Variants in PRKCZ observed in about 807,000 individuals in gnomAD.
PRKCZ encodes protein kinase C zeta type.
A neutral mutation model predicts 79.5 loss-of-function variants in PRKCZ; 33 were observed. That is an observed-to-expected ratio of 0.41 (90% CI 0.31 to 0.55). PRKCZ has a LOEUF of 0.55. Among genes scored for constraint, PRKCZ ranks in the 20% least tolerant of loss-of-function variants. PRKCZ has a pLI of 0.19. For synonymous variants in PRKCZ, 342 were observed against 320.9 expected (o/e 1.07, Z -0.70); for missense variants, 578 against 813.5 (o/e 0.71, Z 3.52).
rs1679748352 is a variant in PRKCZ, at chr1:2,150,819, T to G, written c.717T>G (p.Asp239Glu). 1.2e-6 allele frequency: 2 copies of G among 1,614,038 alleles called. No individual in the cohort carries two copies. Among genetic ancestry groups the G allele is most frequent in the African/African-American group, 2.7e-5 (2 of 74,938 alleles). Residue 239 changes from aspartate to glutamate, a missense_variant, in exon 9 of 18, where the codon GAT becomes GAG. Coordinates refer to ENST00000378567, the MANE Select transcript of PRKCZ (RefSeq NM_002744.6). ...EDLKPVIDGM[D>E]GIKISQGLGL... ...TTAAGCCAGTTATCGATGGGATGGATGGAATCAAAATCTCTCAGGGGCTTG... is the reference window on the plus strand; with the variant it reads ...TTAAGCCAGTTATCGATGGGATGGAGGGAATCAAAATCTCTCAGGGGCTTG...
chr1:2,135,199 G>A, intron 4 of PRKCZ, 63 bp from the exon 5 acceptor site: 13 of 1,429,010 alleles, frequency 9.1e-6, no homozygotes, highest in Middle Eastern at 2.4e-4. Flanking sequence ...TGTCGCAGCT[G>A]CACCCTGCGT....
At chr1:2,124,103 A>G (rs182121604) in intron 4 of PRKCZ, among the ~76,000 whole-genome samples, 52 of 242 alleles carry the variant, frequency 0.21, 3 homozygotes, top group African/African-American at 0.46. Flanking sequence ...GGTCACGGCG[A>G]CGGTTAGGGT....
chr1:2,079,810 C>T (rs945117647), intron 4 of PRKCZ, among the ~76,000 whole-genome samples: 7 of 152,106 alleles, frequency 4.6e-5, no homozygotes, highest in African/African-American at 1.4e-4. Flanking sequence ...CCTGGTGACC[C>T]GCATTTGTCT....
chr1:2,146,257 GA>G, intron 7 of PRKCZ, 149 bp downstream of exon 7: 1 of 753,188 alleles, frequency 1.3e-6, no homozygotes, highest in Non-Finnish European at 2.2e-6. Flanking sequence ...TGGGGCTGGG[GA>G]TGAGGCTCTC....
rs146535389 is a variant in PRKCZ at position 2,107,575 on chromosome 1, G to A, written c.335-27687G>A. Among the ~76,000 whole-genome samples, 66 of 152,326 alleles carry A rather than the reference G, an allele frequency of 4.3e-4. 2 individuals are homozygous for A. Among genetic ancestry groups the A allele is most frequent in the African/African-American group, 1.5e-3 (64 of 41,564 alleles). On this transcript the variant is annotated intron_variant, in intron 4 of 17. Coordinates refer to ENST00000378567, the MANE Select transcript of PRKCZ (RefSeq NM_002744.6). ...TCAGTTCCTAGAAGTAGGGGACTGG[G>A]TGAAAGGCTGATCACCCTCAGACAC...
intron 16 of PRKCZ, chr1:2,183,717 G>C (rs1687092995): frequency 6.5e-6 from 1 of 152,780 alleles, no homozygotes; most frequent in African/African-American, 2.4e-5. Flanking sequence ...GCATTCCCCG[G>C]AGGAGAGAGG....
chr1:2,181,177 C>T (rs1209386573), intron 16 of PRKCZ, among the ~76,000 whole-genome samples: 1 of 152,110 alleles, frequency 6.6e-6, no homozygotes. Flanking sequence ...GCCTCCTCCC[C>T]CTCAGCCCCT....
chr1:2,059,498 A>G (rs1348626856), intron 3 of PRKCZ, 43 bp from the exon 4 acceptor site: 2 of 1,610,378 alleles, frequency 1.2e-6, no homozygotes, highest in African/African-American at 2.7e-5. Flanking sequence ...GTTGAGTGGC[A>G]GCCGCAGGGT....
intron 5 of PRKCZ, 160 bp from the exon 6 acceptor site, chr1:2,144,050 C>T: frequency 9.4e-7 from 1 of 1,058,794 alleles, no homozygotes; most frequent in Admixed American, 2.9e-5. Flanking sequence ...GGCTCTCAAG[C>T]TTGGGCAAGC....
chr1:2,181,402 C>T (rs1265133600), intron 16 of PRKCZ, among the ~76,000 whole-genome samples: 1 of 152,254 alleles, frequency 6.6e-6, no homozygotes, highest in Non-Finnish European at 1.5e-5. Flanking sequence ...GCTGTGGTTG[C>T]AGCCACAGGG....
At chr1:2,087,664 G>A (rs111902041) in intron 4 of PRKCZ, among the ~76,000 whole-genome samples, 1 of 152,186 alleles carries the variant, frequency 6.6e-6, no homozygotes, top group African/African-American at 2.4e-5. Context: ...ATATGTGTGC[G>A]ATGCCAGCAG....
In PRKCZ at chr1:2,163,734, C is replaced by CA. The variant is rs35766783; in HGVS notation, c.975-5769dup. 8.0e-3 allele frequency among the ~76,000 whole-genome samples: 1,119 copies of CA among 139,752 alleles called. 10 individuals are homozygous for CA. Among genetic ancestry groups the CA allele is most frequent in the Middle Eastern group, 0.032 (9 of 278 alleles). 91.7% of individuals were successfully genotyped at this position (139,752 alleles called of 152,430 possible). On this transcript the variant is annotated intron_variant, in intron 10 of 17. Coordinates refer to ENST00000378567, the MANE Select transcript of PRKCZ (RefSeq NM_002744.6). Reference sequence around the variant, plus strand: ...TGAAGCCCCGTCTCTACTAAAAATACAAAAAAAAAAAAAAATTAGCCAGGT... The same window carrying CA: ...TGAAGCCCCGTCTCTACTAAAAATACAAAAAAAAAAAAAAAATTAGCCAGGT...
intron 5 of PRKCZ, among the ~76,000 whole-genome samples, chr1:2,140,419 G>A (rs1390052551): frequency 6.6e-6 from 1 of 152,172 alleles, no homozygotes; most frequent in Non-Finnish European, 1.5e-5. Context: ...TTGGGAGGCC[G>A]AGGCAGGCGG....
At chr1:2,117,059 C>T (rs1317147342) in intron 4 of PRKCZ, among the ~76,000 whole-genome samples, 4 of 152,016 alleles carry the variant, frequency 2.6e-5, no homozygotes, top group East Asian at 1.9e-4. Flanking sequence ...AAGCAATCCT[C>T]CCACCTCAGC....
At chr1:2,108,086 G>A (rs1167523897) in intron 4 of PRKCZ, among the ~76,000 whole-genome samples, 1 of 152,252 alleles carries the variant, frequency 6.6e-6, no homozygotes, top group Non-Finnish European at 1.5e-5. Flanking sequence ...TGTTCTGGGG[G>A]TAGAGAAGTC....
chr1:2,123,373 TGTG>T lies in PRKCZ; in HGVS notation c.335-11883_335-11881del, dbSNP rs1262452255. 2.0e-3 allele frequency among the ~76,000 whole-genome samples: 3 copies of T among 1,512 alleles called. 1 individual carries two copies. Among genetic ancestry groups the T allele is most frequent in the African/African-American group, 4.5e-3 (1 of 224 alleles). 1.0% of individuals were successfully genotyped at this position (1,512 alleles called of 152,430 possible). On this transcript the variant is annotated intron_variant, in intron 4 of 17. Transcript: ENST00000378567. ...TGGTTAGGGTCGTGGTGGTTAGGGT[TGTG>T]GTGGTTAGGGTCGTGGCGGTGGTTA...
chr1:2,090,792 G>T (rs1665364385), intron 4 of PRKCZ, among the ~76,000 whole-genome samples: 1 of 152,258 alleles, frequency 6.6e-6, no homozygotes, highest in African/African-American at 2.4e-5. Flanking sequence ...ATGGATCCTG[G>T]TTGTGGGTTT....
intron 4 of PRKCZ, among the ~76,000 whole-genome samples, chr1:2,064,347 G>C (rs767057703): frequency 1.3e-5 from 2 of 152,136 alleles, no homozygotes; most frequent in Non-Finnish European, 2.9e-5. Flanking sequence ...AGTGCCTTTT[G>C]ATGGACAAAG....
chr1:2,095,655 C>G (rs1666330254), intron 4 of PRKCZ, among the ~76,000 whole-genome samples: 2 of 151,974 alleles, frequency 1.3e-5, no homozygotes, highest in Non-Finnish European at 2.9e-5. Context: ...CGCAGCCTGG[C>G]ATGGGCTCAC....
Sources: gnomAD v4.1 joint callset for allele counts (sites outside exome capture counted in the v4.1 genomes callset) on GRCh38, gnomAD v4.1.1 for gene constraint, MANE v1.5 for transcripts, NCBI Gene and HGNC (gene_info 2026-07-23, HGNC 2026-07-21) for gene names.